Variants in CDH12 observed in about 807,000 individuals in gnomAD.
CDH12 encodes the protein cadherin-12.
In CDH12, 41 loss-of-function variants were observed where a neutral mutation model predicts 74.1. The ratio of observed to expected loss-of-function variants is 0.55; its 90% CI spans 0.43 to 0.72. The LOEUF (loss-of-function observed/expected upper bound fraction) is 0.72. Among genes scored for constraint, CDH12 ranks in the 30% least tolerant of loss-of-function variants. CDH12 has a pLI of 0.00. For synonymous variants in CDH12, 399 were observed against 355.0 expected, an observed-to-expected ratio of 1.12 and a Z score of -1.39; for missense variants, 945 against 977.2, an observed-to-expected ratio of 0.97 and a Z score of 0.44.
In CDH12 at chr5:21,889,764, G is replaced by T. The variant is rs996801210; in HGVS notation, c.527-34974C>A. The T allele has an allele frequency of 1.7e-5, 17 of 984,416 alleles. No homozygotes were observed. The Admixed American group carries it at 8.6e-4, about 50-fold the overall frequency. 61.0% of individuals were successfully genotyped at this position (984,416 alleles called of 1,614,324 possible). ...TTTGCTTTCTTTCTTTCTGCTGTAG[G>T]AAGTAACCATGTCCATAAAAGCAAT... On this transcript the variant is annotated intron_variant, in intron 6 of 14. Coordinates refer to ENST00000382254, the MANE Select transcript of CDH12 (RefSeq NM_004061.5).
chr5:22,293,869 G>A (rs937067625), intron 3 of CDH12, among the ~76,000 whole-genome samples: 61 of 152,236 alleles, frequency 4.0e-4, no homozygotes, highest in Admixed American at 4.0e-3. Context: ...GTTGGCGAAA[G>A]GATACAAAAT....
At chr5:22,756,953 C>T (rs1580968690) in intron 1 of CDH12, among the ~76,000 whole-genome samples, 1 of 120,950 alleles carries the variant, frequency 8.3e-6, no homozygotes, top group African/African-American at 3.2e-5. Flanking sequence ...AGAAAGACTC[C>T]GTCTCAAAAA....
At chr5:22,717,071 GAAA>G (rs774037878) in intron 1 of CDH12, among the ~76,000 whole-genome samples, 6 of 152,030 alleles carry the variant, frequency 3.9e-5, no homozygotes, top group Admixed American at 1.3e-4. Flanking sequence ...TATTACTGAA[GAAA>G]AATGTTTTTG....
chr5:22,694,460 C>T (rs1742244577), intron 1 of CDH12, among the ~76,000 whole-genome samples: 1 of 152,092 alleles, frequency 6.6e-6, no homozygotes, highest in South Asian at 2.1e-4. Context: ...TCTTCAATTG[C>T]TCTCAAATAA....
chr5:22,232,438 A>G (rs1752416964), intron 3 of CDH12, among the ~76,000 whole-genome samples: 1 of 151,978 alleles, frequency 6.6e-6, no homozygotes, highest in Non-Finnish European at 1.5e-5. Flanking sequence ...TATTTAGTAC[A>G]TTTACTTTAA....
intron 5 of CDH12, among the ~76,000 whole-genome samples, chr5:22,018,210 A>G (rs1282249173): frequency 1.3e-5 from 2 of 152,188 alleles, no homozygotes; most frequent in African/African-American, 4.8e-5. Context: ...CAGAGTTTTG[A>G]AAAGCCAGTT....
chr5:22,824,249 C>T (rs1401714124), intron 1 of CDH12, among the ~76,000 whole-genome samples: 2 of 152,072 alleles, frequency 1.3e-5, no homozygotes, highest in African/African-American at 2.4e-5. Context: ...TTCAAGCACA[C>T]AGAAACTGAG....
chr5:22,086,035 T>C (rs1743043269), intron 4 of CDH12, among the ~76,000 whole-genome samples: 1 of 152,172 alleles, frequency 6.6e-6, no homozygotes, highest in South Asian at 2.1e-4. Context: ...TAATGCAGCT[T>C]TTTTGGTTCC....
At chr5:22,739,840 A>T (rs889684104) in intron 1 of CDH12, among the ~76,000 whole-genome samples, 21 of 152,204 alleles carry the variant, frequency 1.4e-4, no homozygotes, top group African/African-American at 4.8e-4. Flanking sequence ...TCTAAACCTG[A>T]TTCCAACACT....
At chr5:22,551,976 C>T (rs979505700) in intron 1 of CDH12, among the ~76,000 whole-genome samples, 1 of 146,030 alleles carries the variant, frequency 6.8e-6, no homozygotes, top group African/African-American at 2.5e-5. Context: ...TTAATAGTTT[C>T]CTATTGTTGT....
chr5:21,923,224 A>T (rs1426836262), intron 6 of CDH12, among the ~76,000 whole-genome samples: 1 of 152,168 alleles, frequency 6.6e-6, no homozygotes, highest in East Asian at 1.9e-4. Flanking sequence ...GGACATTCCA[A>T]GTAATCAAAT....
intron 2 of CDH12, among the ~76,000 whole-genome samples, chr5:22,450,028 CAA>C (rs951076757): frequency 2.6e-5 from 4 of 151,966 alleles, no homozygotes; most frequent in African/African-American, 9.7e-5. Context: ...CTTAAAAATA[CAA>C]TAGATTAAAC....
At chr5:22,041,811 C>A (rs1739589040) in intron 5 of CDH12, among the ~76,000 whole-genome samples, 2 of 152,048 alleles carry the variant, frequency 1.3e-5, no homozygotes, top group Non-Finnish European at 2.9e-5. Flanking sequence ...CAAAATGGGC[C>A]TAACAGGTAT....
intron 2 of CDH12, among the ~76,000 whole-genome samples, chr5:22,448,806 T>A (rs1744930219): frequency 6.6e-6 from 1 of 152,164 alleles, no homozygotes; most frequent in South Asian, 2.1e-4. Context: ...CTGGTATTAA[T>A]AACATATGTA....
intron 1 of CDH12, among the ~76,000 whole-genome samples, chr5:22,568,323 A>C (rs1298586000): frequency 6.6e-6 from 1 of 152,208 alleles, no homozygotes; most frequent in East Asian, 1.9e-4. Flanking sequence ...ATGATTATTT[A>C]AAATAAATAA....
intron 5 of CDH12, among the ~76,000 whole-genome samples, chr5:21,978,248 T>G (rs1757152362): frequency 1.3e-5 from 2 of 152,096 alleles, no homozygotes; most frequent in Admixed American, 1.3e-4. Context: ...TTCAAGCAAT[T>G]CTCCTGCCTC....
chr5:22,842,107 C>T (rs1437421019), intron 1 of CDH12, among the ~76,000 whole-genome samples: 1 of 152,052 alleles, frequency 6.6e-6, no homozygotes, highest in Non-Finnish European at 1.5e-5. Flanking sequence ...GAAAACCAAT[C>T]CTCATAATAG....
intron 1 of CDH12, among the ~76,000 whole-genome samples, chr5:22,692,732 A>T (rs1742149678): frequency 6.6e-6 from 1 of 152,204 alleles, no homozygotes; most frequent in Admixed American, 6.5e-5. Flanking sequence ...TCCTTGTATG[A>T]TTCCAGTGAT....
intron 4 of CDH12, among the ~76,000 whole-genome samples, chr5:22,084,592 T>C (rs921432057): frequency 3.9e-5 from 6 of 152,168 alleles, no homozygotes; most frequent in African/African-American, 1.4e-4. Flanking sequence ...TGAGTGCATT[T>C]CCTCACTCCT....
Sources: gnomAD v4.1 joint callset for allele counts (sites outside exome capture counted in the v4.1 genomes callset) on GRCh38, gnomAD v4.1.1 for gene constraint, MANE v1.5 for transcripts, NCBI Gene and HGNC (gene_info 2026-07-23, HGNC 2026-07-21) for gene names.